KAZN: variants seen among roughly 807,000 people sequenced by gnomAD.
KAZN encodes kazrin, periplakin interacting protein.
In KAZN, 40 loss-of-function variants were observed where a neutral mutation model predicts 87.4. The ratio of observed to expected loss-of-function variants is 0.46; its 90% confidence interval spans 0.36 to 0.60. KAZN has a LOEUF of 0.60. Among genes scored for constraint, KAZN ranks in the 20% least tolerant of loss-of-function variants. KAZN has a pLI of 0.00. For synonymous variants in KAZN, 466 were observed against 458.3 expected, an observed-to-expected ratio of 1.02 and a Z score of -0.22; for missense variants, 898 against 1,073.9, an observed-to-expected ratio of 0.84 and a Z score of 2.29.
chr1:15,107,661 C>T (rs1395091539), intron 13 of KAZN, among the ~76,000 whole-genome samples: 2 of 152,114 alleles, frequency 1.3e-5, no homozygotes, highest in African/African-American at 4.8e-5. Context: ...CATAAGACAC[C>T]CAATAATATA....
intron 2 of KAZN, among the ~76,000 whole-genome samples, chr1:14,449,996 G>A (rs1667180996): frequency 6.6e-6 from 1 of 152,064 alleles, no homozygotes; most frequent in Non-Finnish European, 1.5e-5. Context: ...TTTCAGGAGG[G>A]TTTTATGGTT....
chr1:14,695,283 G>A (rs1015011592), intron 1 of KAZN, among the ~76,000 whole-genome samples: 1 of 152,048 alleles, frequency 6.6e-6, no homozygotes, highest in Non-Finnish European at 1.5e-5. Flanking sequence ...AGCTCCAGCT[G>A]GCCTTATAGA....
At chr1:13,942,157 C>T (rs1197402128) in intron 1 of KAZN, among the ~76,000 whole-genome samples, 1 of 152,086 alleles carries the variant, frequency 6.6e-6, no homozygotes, top group Non-Finnish European at 1.5e-5. Context: ...AGACTAAAGC[C>T]CAGCTTCAAA....
chr1:13,895,892 G>A (rs1407846397), intron 1 of KAZN, among the ~76,000 whole-genome samples: 1 of 152,068 alleles, frequency 6.6e-6, no homozygotes, highest in African/African-American at 2.4e-5. Context: ...AGCATATTGA[G>A]GAAAAGAGAA....
intron 2 of KAZN, among the ~76,000 whole-genome samples, chr1:14,482,260 T>G (rs2480061): frequency 0.4 from 61,453 of 151,984 alleles, 12,831 homozygotes; most frequent in East Asian, 0.59. Context: ...CAAGACAAAT[T>G]TCTACCATGA....
Position 13,949,437 on chromosome 1 carries a change from A to G in KAZN, c.91+55681A>G, listed in dbSNP as rs529810361. Among the ~76,000 whole-genome samples the G allele has an allele frequency of 2.7e-5, 4 of 149,628 alleles. No individual in the cohort carries two copies. The South Asian group carries it at 6.2e-4, about 23-fold the overall frequency. Reference sequence around the variant, plus strand: ...CACTAATTAGATTGTTCAGGGCTTAAAAAATGATAAGGCTTCTCAATATCA... The same window carrying G: ...CACTAATTAGATTGTTCAGGGCTTAGAAAATGATAAGGCTTCTCAATATCA... On this transcript the variant is annotated intron_variant, in intron 1 of 16. Coordinates refer to the KAZN transcript ENST00000636203.
intron 1 of KAZN, among the ~76,000 whole-genome samples, chr1:14,064,974 C>T (rs1642952347): frequency 1.3e-5 from 2 of 152,172 alleles, no homozygotes; most frequent in African/African-American, 4.8e-5. Flanking sequence ...AAACATGTGT[C>T]CTTTAGCCTC....
At chr1:14,088,182 G>T (rs1643897017) in intron 1 of KAZN, among the ~76,000 whole-genome samples, 1 of 151,424 alleles carries the variant, frequency 6.6e-6, no homozygotes, top group Non-Finnish European at 1.5e-5. Flanking sequence ...TTAGCTTTGG[G>T]TTTAATTTTT....
At chr1:14,410,811 G>A (rs531313948) in intron 2 of KAZN, among the ~76,000 whole-genome samples, 1 of 152,310 alleles carries the variant, frequency 6.6e-6, no homozygotes, top group East Asian at 1.9e-4. Context: ...GATGCCAGCG[G>A]CCACCAGAAC....
intron 8 of KAZN, among the ~76,000 whole-genome samples, chr1:15,092,621 G>A (rs932591279): frequency 2.0e-5 from 3 of 152,174 alleles, no homozygotes; most frequent in Admixed American, 2.0e-4. Context: ...CCAGGCACAC[G>A]CCACCACGTC....
chr1:15,056,261 T>A lies in KAZN; in HGVS notation c.897T>A (p.Pro299=). ...SQQTLYHSHP[P]HPADRQAVRV... The stretch of plus-strand genomic sequence containing the variant: ...AGACTCTCTACCACTCACACCCCCC[T>A]CACCCTGCGGACCGGCAAGGTGAGT... Residue 299 remains proline (P), a synonymous_variant, in exon 5 of 15, where the codon CCT becomes CCA. Coordinates refer to ENST00000376030, the MANE Select transcript of KAZN (RefSeq NM_201628.3). The surrounding 1 kb of genome is among the most constrained non-coding windows in gnomAD (Gnocchi z 5.4). 1 of 1,608,484 alleles carries A rather than the reference T, an allele frequency of 6.2e-7. No homozygotes were observed. The highest frequency in any genetic ancestry group is 8.5e-7 in the Non-Finnish European group (1 of 1,175,636).
intron 4 of KAZN, among the ~76,000 whole-genome samples, chr1:15,046,509 A>G (rs1673554901): frequency 6.6e-6 from 1 of 152,132 alleles, no homozygotes; most frequent in Non-Finnish European, 1.5e-5. Flanking sequence ...TGCCGTCCAA[A>G]CCCACGTTGT....
rs557298262 is a variant in KAZN at position 15,058,217 on chromosome 1, T to G, written c.916+1937T>G. ...GCTCATCATACATGTGGCTACTGTC[T>G]GGGATTGGTACCACTGGCATCCATC... On this transcript the variant is annotated intron_variant, in intron 5 of 14. Coordinates refer to ENST00000376030, the MANE Select transcript of KAZN (RefSeq NM_201628.3). Among the ~76,000 whole-genome samples the G allele has an allele frequency of 5.9e-5, 9 of 152,346 alleles. No homozygotes were observed. The South Asian group carries it at 1.5e-3, about 25-fold the overall frequency.
chr1:15,051,047 G>A (rs201651364), intron 4 of KAZN, among the ~76,000 whole-genome samples: 58 of 152,360 alleles, frequency 3.8e-4, no homozygotes, highest in South Asian at 1.7e-3. Flanking sequence ...CCTTGTGCCC[G>A]CTCAGTGCCC....
chr1:14,230,948 G>A (rs1044439440), intron 2 of KAZN, among the ~76,000 whole-genome samples: 3 of 152,068 alleles, frequency 2.0e-5, no homozygotes, highest in African/African-American at 4.8e-5. Flanking sequence ...CTTCATCCTG[G>A]AAACCTCTGC....
chr1:14,768,116 C>T (rs911901607), intron 1 of KAZN, among the ~76,000 whole-genome samples: 2 of 152,188 alleles, frequency 1.3e-5, no homozygotes, highest in African/African-American at 4.8e-5. Context: ...GATCAACTCT[C>T]ACTACGGTAT....
chr1:14,878,310 G>A (rs746706034), intron 1 of KAZN, among the ~76,000 whole-genome samples: 18 of 151,950 alleles, frequency 1.2e-4, no homozygotes, highest in Admixed American at 3.9e-4. Flanking sequence ...AGTTCTTTGG[G>A]GGGGTGGCTG....
chr1:15,000,241 G>T (rs1247888788), intron 2 of KAZN, among the ~76,000 whole-genome samples: 1 of 151,882 alleles, frequency 6.6e-6, no homozygotes, highest in Non-Finnish European at 1.5e-5. Context: ...TGGGATGCAG[G>T]CGGCCTCTAA....
intron 2 of KAZN, among the ~76,000 whole-genome samples, chr1:14,531,017 G>A (rs886804062): frequency 3.3e-5 from 5 of 152,164 alleles, no homozygotes; most frequent in South Asian, 4.1e-4. Context: ...AGGCTGCACC[G>A]AGCTGTGATC....
Sources: gnomAD v4.1 joint callset for allele counts (sites outside exome capture counted in the v4.1 genomes callset) on GRCh38, gnomAD v4.1.1 for gene constraint, Gnocchi (gnomAD v3.1) non-coding constraint, MANE v1.5 for transcripts, NCBI Gene and HGNC (gene_info 2026-07-23, HGNC 2026-07-21) for gene names.